Variants in MICB observed in about 807,000 individuals in gnomAD.
MICB encodes MHC class I polypeptide-related sequence B.
MICB carries 27 observed loss-of-function variants against 34.3 expected under a neutral mutation model. That is an observed-to-expected ratio of 0.79 (90% CI 0.58 to 1.08). The LOEUF is 1.08. MICB is among the 50% of genes least tolerant of loss of function. MICB has a pLI of 0.00. For missense variants in MICB, 426 were observed against 483.1 expected, an observed-to-expected ratio of 0.88 and a Z score of 1.11; for synonymous variants, 153 against 187.4, an observed-to-expected ratio of 0.82 and a Z score of 1.50.
At chr6:31,497,439 T>G (rs577958217), upstream of MICB, among the ~76,000 whole-genome samples, 1 of 151,960 alleles carries the variant, frequency 6.6e-6, no homozygotes, top group African/African-American at 2.4e-5. Context: ...TCGTTGGCCC[T>G]GTGATTACCC....
chr6:31,498,346 G>C, intron 1 of MICB, 83 bp downstream of exon 1: 7 of 1,204,736 alleles, frequency 5.8e-6, no homozygotes, highest in Middle Eastern at 3.0e-4. Flanking sequence ...CGCGAGCGCT[G>C]TGCGGTCAGG....
At position 31,509,984 on chromosome 6, in the gene MICB, A is replaced by G; in HGVS notation, c.*75A>G. On this transcript the variant is annotated 3_prime_UTR_variant, in exon 6 of 6. Transcript: ENST00000252229. Reference sequence around the variant, plus strand: ...GCACTTTCCCTCTGTTTCCTGACCTATGAAACAGAGAAAATAACATCACTT... The same window carrying G: ...GCACTTTCCCTCTGTTTCCTGACCTGTGAAACAGAGAAAATAACATCACTT... 7.3e-7 allele frequency: 1 copy of G among 1,377,332 alleles called. No individual in the cohort carries two copies. Among genetic ancestry groups the G allele is most frequent in the Non-Finnish European group, 9.4e-7 (1 of 1,059,726 alleles). The allele number at this position is 1,377,332 out of a possible 1,614,324, so 85.3% of individuals were successfully genotyped here.
chr6:31,509,727 G>A, intron 5 of MICB, 55 bp from the exon 6 acceptor site: 1 of 1,502,184 alleles, frequency 6.7e-7, no homozygotes, highest in Non-Finnish European at 8.9e-7. Flanking sequence ...AGTCCTTAGG[G>A]AATAAACACA....
chr6:31,498,305 C>A (rs766289935), intron 1 of MICB, 42 bp downstream of exon 1: 3 of 1,492,206 alleles, frequency 2.0e-6, no homozygotes, highest in East Asian at 2.9e-5. Context: ...GCGGGAGCGG[C>A]GGGGCGTTTC....
Position 31,505,828 on chromosome 6 carries a change from A to G in MICB, c.282A>G (p.Gln94=). ...TETEDLTENG[Q]DLRRTLTHIK... is the part of the protein sequence containing the mutation. ...CCGAGGACTTGACAGAGAATGGGCA[A>G]GACCTCAGGAGGACCCTGACTCATA... is the stretch of plus-strand genomic sequence containing the variant. The change falls in exon 2 of 6, where the codon CAA becomes CAG. Residue 94 remains glutamine (Q), a synonymous_variant. Coordinates refer to ENST00000252229, the MANE Select transcript of MICB (RefSeq NM_005931.5). The G allele has an allele frequency of 6.2e-7, 1 of 1,612,528 alleles. No homozygotes were observed. Among genetic ancestry groups the G allele is most frequent in the Non-Finnish European group, 8.5e-7 (1 of 1,179,634 alleles).
intron 3 of MICB, among the ~76,000 whole-genome samples, chr6:31,506,684 G>A (rs1028854240): frequency 2.6e-5 from 4 of 152,150 alleles, no homozygotes; most frequent in Non-Finnish European, 5.9e-5. Flanking sequence ...TGGGAGTTAG[G>A]CAGGAGAGGA....
chr6:31,505,924 A>T, intron 2 of MICB, 53 bp downstream of exon 2: 9 of 1,539,572 alleles, frequency 5.8e-6, no homozygotes, highest in Non-Finnish European at 7.9e-6. Flanking sequence ...GGAAAGTTGG[A>T]GACAGAGAGC....
chr6:31,496,661 C>T (rs558738188), upstream of MICB: 6 of 140,720 alleles, frequency 4.3e-5, no homozygotes, highest in Non-Finnish European at 6.1e-5. Flanking sequence ...CCACCGTGCC[C>T]GGACCCTTTT....
At chr6:31,497,563 G>A (rs1451994067), upstream of MICB, among the ~76,000 whole-genome samples, 1 of 152,176 alleles carries the variant, frequency 6.6e-6, no homozygotes, top group Non-Finnish European at 1.5e-5. Flanking sequence ...TTATATAGCT[G>A]AAACGTCTAA....
At chr6:31,506,002 G>A (rs1325443328) in intron 2 of MICB, 131 bp downstream of exon 2, 41 of 1,470,326 alleles carry the variant, frequency 2.8e-5, no homozygotes, top group Non-Finnish European at 3.5e-5. Flanking sequence ...GGGAGGCTCA[G>A]CAGGGTGGTG....
In MICB at chr6:31,511,104, A is replaced by G. The variant is rs1037811321; in HGVS notation, c.*1195A>G. The G allele has an allele frequency of 1.3e-5, 2 of 152,142 alleles. No homozygotes were observed. The highest frequency in any genetic ancestry group is 6.6e-5 in the Admixed American group (1 of 15,266). 9.4% of individuals were successfully genotyped at this position (152,142 alleles called of 1,614,324 possible). A position where few individuals can be genotyped will look rare whatever the true frequency, so the allele number is the denominator to read the frequency against. On this transcript the variant is annotated 3_prime_UTR_variant, in exon 6 of 6. Coordinates refer to ENST00000252229, the MANE Select transcript of MICB (RefSeq NM_005931.5). ...TTATGTGTGCATAATTTATACCGTA[A>G]ATGTTTACTCTTTAAATAGACATTT...
At position 31,509,351 on chromosome 6, in the gene MICB, A is replaced by G. The variant is rs182362906; in HGVS notation, c.1025-431A>G. On this transcript the variant is annotated intron_variant, in intron 5 of 5. Coordinates refer to ENST00000252229, the MANE Select transcript of MICB (RefSeq NM_005931.5). ...AGGGGAGGAGTGCTGAGCTGCAGAT[A>G]GAGGGCAGGGCCCACAGTGGGCAGG... 1.5e-3 allele frequency among the ~76,000 whole-genome samples: 234 copies of G among 152,314 alleles called. 1 individual carries two copies. Among genetic ancestry groups the G allele is most frequent in the East Asian group, 5.2e-3 (27 of 5,186 alleles).
upstream of MICB, among the ~76,000 whole-genome samples, chr6:31,495,976 C>A (rs540644307): frequency 4.9e-4 from 75 of 152,346 alleles, no homozygotes; most frequent in African/African-American, 1.7e-3. Flanking sequence ...TGGGCTAGAT[C>A]AGTAGTTCTA....
Position 31,505,920 on chromosome 6 carries a change from T to C in MICB, c.325+49T>C, listed in dbSNP as rs758773170. 14 of 1,543,954 alleles carry C rather than the reference T, an allele frequency of 9.1e-6. No homozygotes were observed. The South Asian group carries it at 1.6e-4, about 17-fold the overall frequency. ...TAATGGGAGGCCTTCTCCAGGAAAG[T>C]TGGAGACAGAGAGCAGGGACCTGTC... On this transcript the variant is annotated intron_variant, in intron 2 of 5. Transcript: ENST00000252229.
chr6:31,507,166 G>T lies in MICB; in HGVS notation c.758G>T (p.Trp253Leu), dbSNP rs141005467. 9 of 1,614,020 alleles carry T rather than the reference G, an allele frequency of 5.6e-6. No homozygotes were observed. In the Admixed American group the frequency reaches 1.0e-4, roughly 18 times the overall value. The change falls in exon 4 of 6, where the codon TGG becomes TTG. Residue 253 changes from tryptophan to leucine, a missense_variant. Trp to Leu is a moderately conservative substitution (Grantham distance 61). Coordinates refer to ENST00000252229, the MANE Select transcript of MICB (RefSeq NM_005931.5). This position sits in a 1 kb window ranked among gnomAD's most constrained non-coding sequence, Gnocchi z 6.0. ...GVSLSHNTQQ[W>L]GDVLPDGNGT... ...TCTTTGAGCCACAACACCCAGCAGT[G>T]GGGGGATGTCCTGCCTGATGGGAAT...
chr6:31,509,169 G>T (rs547497280), intron 5 of MICB, among the ~76,000 whole-genome samples: 6 of 152,328 alleles, frequency 3.9e-5, no homozygotes, highest in Non-Finnish European at 8.8e-5. Context: ...GGTGCTGAAG[G>T]TCATGGGAGG....
chr6:31,500,357 T>C (rs1764953864), intron 1 of MICB, among the ~76,000 whole-genome samples: 1 of 152,138 alleles, frequency 6.6e-6, no homozygotes, highest in Admixed American at 6.5e-5. Flanking sequence ...ATGGGGTACA[T>C]GGGATATTTT....
rs1296543008 is a variant in MICB, at chr6:31,507,926, T to C, written c.1024+395T>C. 2.6e-5 allele frequency among the ~76,000 whole-genome samples: 4 copies of C among 151,708 alleles called. No individual in the cohort carries two copies. Among genetic ancestry groups the C allele is most frequent in the Admixed American group, 6.6e-5 (1 of 15,236 alleles). On this transcript the variant is annotated intron_variant, in intron 5 of 5. Coordinates refer to ENST00000252229, the MANE Select transcript of MICB (RefSeq NM_005931.5). The surrounding 1 kb of genome is among the most constrained non-coding windows in gnomAD (Gnocchi z 6.0). ...TGATCATGGTGTCAGAGGGAGGAAATAGTAAAGGTGGCTGTGATCTGGGGA... is the reference window on the plus strand; with the variant it reads ...TGATCATGGTGTCAGAGGGAGGAAACAGTAAAGGTGGCTGTGATCTGGGGA...
chr6:31,509,683 G>A (rs1278138007), intron 5 of MICB, 99 bp from the exon 6 acceptor site: 1 of 1,416,292 alleles, frequency 7.1e-7, no homozygotes, highest in Admixed American at 2.3e-5. Flanking sequence ...CAGAGAAAGG[G>A]CGAATCTGAT....
Sources: gnomAD v4.1 joint callset for allele counts (sites outside exome capture counted in the v4.1 genomes callset) on GRCh38, gnomAD v4.1.1 for gene constraint, Gnocchi (gnomAD v3.1) non-coding constraint, MANE v1.5 for transcripts, NCBI Gene and HGNC (gene_info 2026-07-23, HGNC 2026-07-21) for gene names.